Variants in PTBP3 observed in about 807,000 individuals in gnomAD.
The protein encoded by PTBP3 is polypyrimidine tract binding protein 3, also known as polypyrimidine tract-binding protein 3.
A neutral mutation model predicts 58.7 loss-of-function variants in PTBP3; 20 were observed. The observed-to-expected ratio is 0.34, with a 90% CI of 0.24 to 0.50. The LOEUF is 0.50. Among genes scored for constraint, PTBP3 ranks in the 20% least tolerant of loss-of-function variants. The pLI is 0.98. For synonymous variants in PTBP3, 185 were observed against 219.8 expected, an observed-to-expected ratio of 0.84 and a Z score of 1.40; for missense variants, 509 against 637.2, an observed-to-expected ratio of 0.80 and a Z score of 2.17.
Position 112,297,826 on chromosome 9 carries a change from AC to A in PTBP3, c.34+5del, listed in dbSNP as rs780625236. 3 of 1,548,314 alleles carry A rather than the reference AC, an allele frequency of 1.9e-6. No homozygotes were observed. Among genetic ancestry groups the A allele is most frequent in the South Asian group, 1.2e-5 (1 of 80,702 alleles). On this transcript the variant is annotated splice_donor_5th_base_variant and intron_variant, in intron 2 of 13. Transcript: ENST00000374257. Reference sequence around the variant, plus strand: ...ATCAAATATTAAAAAAAAAAAAAAAACTCACCATACACACCTGTAGAAGGAG... The same window carrying A: ...ATCAAATATTAAAAAAAAAAAAAAAATCACCATACACACCTGTAGAAGGAG...
In PTBP3 at chr9:112,267,905, G is replaced by A. The variant is rs1044818938; in HGVS notation, c.351+144C>T. On this transcript the variant is annotated intron_variant, in intron 4 of 13. Coordinates refer to ENST00000374257, the MANE Select transcript of PTBP3 (RefSeq NM_001163788.4). ...CTGCTTTCTTATTCTTAAGAATTGGGGGGAAGAATTTACATATACAATTAT... is the reference window on the plus strand; with the variant it reads ...CTGCTTTCTTATTCTTAAGAATTGGAGGGAAGAATTTACATATACAATTAT... 18 of 670,882 alleles carry A rather than the reference G, an allele frequency of 2.7e-5. No individual in the cohort carries two copies. The Admixed American group carries it at 2.8e-4, about 10-fold the overall frequency. 41.6% of individuals were successfully genotyped at this position (670,882 alleles called of 1,614,324 possible).
chr9:112,286,167 T>C (rs778391986), intron 2 of PTBP3, among the ~76,000 whole-genome samples: 2 of 152,186 alleles, frequency 1.3e-5, no homozygotes, highest in African/African-American at 2.4e-5. Flanking sequence ...ATATTTTCTT[T>C]CCCAACCTTT....
upstream of PTBP3, among the ~76,000 whole-genome samples, chr9:112,336,275 T>A (rs1227739554): frequency 6.6e-6 from 1 of 152,204 alleles, no homozygotes; most frequent in African/African-American, 2.4e-5. Flanking sequence ...ATATCATGAA[T>A]GTATGAGTAT....
At position 112,314,732 on chromosome 9, in the gene PTBP3, A is replaced by G. The variant is rs536728765; in HGVS notation, c.-51-16816T>C. Reference sequence around the variant, plus strand: ...TACAAAAAGAAATACACAAATCTACAATTGCGGACAGAAATTTCAATATTT... The same window carrying G: ...TACAAAAAGAAATACACAAATCTACGATTGCGGACAGAAATTTCAATATTT... On this transcript the variant is annotated intron_variant, in intron 1 of 13. Coordinates refer to ENST00000374257, the MANE Select transcript of PTBP3 (RefSeq NM_001163788.4). Among the ~76,000 whole-genome samples, 11 of 152,276 alleles carry G rather than the reference A, an allele frequency of 7.2e-5. No homozygotes were observed. The East Asian group carries it at 2.1e-3, about 29-fold the overall frequency.
At chr9:112,241,359 C>T (rs1257963101) in intron 7 of PTBP3, among the ~76,000 whole-genome samples, 7 of 152,204 alleles carry the variant, frequency 4.6e-5, no homozygotes. Context: ...CTGCCTTGGC[C>T]TCCCAAAGTG....
the PTBP3 span, among the ~76,000 whole-genome samples, chr9:112,343,544 T>C: frequency 6.6e-6 from 1 of 152,100 alleles, no homozygotes; most frequent in East Asian, 1.9e-4. Flanking sequence ...AATCCCAGCA[T>C]TTTGGGAGGC....
the PTBP3 span, among the ~76,000 whole-genome samples, chr9:112,359,137 A>G: frequency 0.24 from 37,132 of 151,940 alleles, 4,970 homozygotes; most frequent in East Asian, 0.36. Flanking sequence ...ACCTGACCGC[A>G]TCTACTTTTA....
At chr9:112,321,939 T>G (rs757536374) in intron 1 of PTBP3, among the ~76,000 whole-genome samples, 59 of 151,948 alleles carry the variant, frequency 3.9e-4, no homozygotes, top group Non-Finnish European at 5.7e-4. Flanking sequence ...ATCAAGACCA[T>G]CCTGGCCAAC....
At chr9:112,250,751 C>T (rs1702704887) in intron 7 of PTBP3, among the ~76,000 whole-genome samples, 178 bp downstream of exon 7, 1 of 152,132 alleles carries the variant, frequency 6.6e-6, no homozygotes, top group South Asian at 2.1e-4. Context: ...TGTCAACTAA[C>T]AGAACCTCCT....
At chr9:112,331,671 G>T (rs1830384499) in intron 1 of PTBP3, among the ~76,000 whole-genome samples, 1 of 152,204 alleles carries the variant, frequency 6.6e-6, no homozygotes, top group Non-Finnish European at 1.5e-5. Context: ...GGCAAATCAT[G>T]CTCCGACTTG....
intron 7 of PTBP3, among the ~76,000 whole-genome samples, chr9:112,242,210 C>T (rs1835687247): frequency 6.6e-6 from 1 of 152,022 alleles, no homozygotes; most frequent in Non-Finnish European, 1.5e-5. Flanking sequence ...TTGATTAGAG[C>T]ACACTCAAGC....
At chr9:112,253,881 TTTATAAA>T (rs901342215) in intron 5 of PTBP3, among the ~76,000 whole-genome samples, 1 of 152,194 alleles carries the variant, frequency 6.6e-6, no homozygotes, top group Non-Finnish European at 1.5e-5. Flanking sequence ...ACCTCTTTTG[TTTATAAA>T]TTACCCAGTC....
chr9:112,333,237 G>T (rs920072745), intron 1 of PTBP3, among the ~76,000 whole-genome samples: 1 of 152,130 alleles, frequency 6.6e-6, no homozygotes, highest in Admixed American at 6.5e-5. Flanking sequence ...AGGAAGCAGC[G>T]GACGTGTCCG....
chr9:112,259,022 G>T (rs971571809), intron 5 of PTBP3, among the ~76,000 whole-genome samples: 1 of 152,092 alleles, frequency 6.6e-6, no homozygotes, highest in African/African-American at 2.4e-5. Flanking sequence ...TACAATCTTG[G>T]TTCAATGCAA....
the PTBP3 span, among the ~76,000 whole-genome samples, chr9:112,377,516 C>T: frequency 6.6e-6 from 1 of 152,188 alleles, no homozygotes; most frequent in South Asian, 2.1e-4. Flanking sequence ...CTTAGTTGTT[C>T]AGCTCTTCCT....
chr9:112,362,559 C>T, the PTBP3 span, among the ~76,000 whole-genome samples: 2 of 151,948 alleles, frequency 1.3e-5, no homozygotes, highest in African/African-American at 2.4e-5. Flanking sequence ...GTGGCTTGTG[C>T]TTTTGGTGTC....
intron 1 of PTBP3, among the ~76,000 whole-genome samples, chr9:112,308,645 G>C (rs1829340716): frequency 6.6e-6 from 1 of 151,926 alleles, no homozygotes; most frequent in Non-Finnish European, 1.5e-5. Context: ...ACGACCAAAA[G>C]AATAAAAGAC....
upstream of PTBP3, among the ~76,000 whole-genome samples, chr9:112,334,045 G>C (rs1026855433): frequency 1.3e-5 from 2 of 151,870 alleles, no homozygotes; most frequent in African/African-American, 2.4e-5. Context: ...TGACTCCCAA[G>C]AGTAGGAAGG....
At chr9:112,305,441 A>G (rs564180323) in intron 1 of PTBP3, among the ~76,000 whole-genome samples, 2 of 152,202 alleles carry the variant, frequency 1.3e-5, no homozygotes, top group East Asian at 3.9e-4. Flanking sequence ...TGCCTATATA[A>G]TAGAGTTCCA....
Sources: gnomAD v4.1 joint callset for allele counts (sites outside exome capture counted in the v4.1 genomes callset) on GRCh38, gnomAD v4.1.1 for gene constraint, MANE v1.5 for transcripts, NCBI Gene and HGNC (gene_info 2026-07-23, HGNC 2026-07-21) for gene names.